Variants in SIRT5 observed in about 807,000 individuals in gnomAD.
SIRT5 encodes NAD-dependent protein deacylase sirtuin-5, mitochondrial.
In SIRT5, 26 loss-of-function variants were observed where a neutral mutation model predicts 40.0. The ratio of observed to expected loss-of-function variants is 0.65; its 90% CI spans 0.48 to 0.90. SIRT5 has a LOEUF of 0.90. Among genes scored for constraint, SIRT5 ranks in the 40% least tolerant of loss-of-function variants. SIRT5 has a pLI of 0.00. For synonymous variants in SIRT5, 146 were observed against 149.1 expected (o/e 0.98, Z 0.15); for missense variants, 401 against 402.4 (o/e 1.00, Z 0.03).
chr6:13,604,700 C>A, intron 9 of SIRT5: 1 of 1,380,006 alleles, frequency 7.2e-7, no homozygotes, highest in Non-Finnish European at 9.3e-7. Flanking sequence ...AGAAACTGAA[C>A]TTGGTGGTTT....
chr6:13,587,726 T>C (rs932372114), intron 3 of SIRT5, among the ~76,000 whole-genome samples: 5 of 152,230 alleles, frequency 3.3e-5, no homozygotes, highest in Non-Finnish European at 5.9e-5. Flanking sequence ...TCTGGCAGTG[T>C]CCTGTTGAAA....
intron 3 of SIRT5, among the ~76,000 whole-genome samples, chr6:13,587,347 G>A (rs185651495): frequency 6.6e-5 from 10 of 152,304 alleles, no homozygotes; most frequent in East Asian, 3.9e-4. Context: ...GCAGAGCTGC[G>A]GTGCCTAGGA....
chr6:13,578,759 T>C (rs1758962634), intron 1 of SIRT5, among the ~76,000 whole-genome samples: 1 of 152,146 alleles, frequency 6.6e-6, no homozygotes, highest in South Asian at 2.1e-4. Context: ...AATCTTTCAC[T>C]TCTATCTTTC....
At chr6:13,604,273 T>A (rs1762798852) in intron 9 of SIRT5, among the ~76,000 whole-genome samples, 1 of 152,340 alleles carries the variant, frequency 6.6e-6, no homozygotes. Context: ...TGAGCCTCCG[T>A]CTGATTTGTG....
intron 1 of SIRT5, among the ~76,000 whole-genome samples, chr6:13,578,603 C>A (rs1207624029): frequency 1.6e-5 from 2 of 124,574 alleles, no homozygotes; most frequent in Non-Finnish European, 3.2e-5. Context: ...GGGGACAGAG[C>A]GAGACTCCAT....
chr6:13,608,054 C>T (rs1032421458), intron 9 of SIRT5, among the ~76,000 whole-genome samples: 2 of 152,160 alleles, frequency 1.3e-5, no homozygotes, highest in African/African-American at 4.8e-5. Context: ...AGCCACTGTG[C>T]CTGGCTGAAA....
intron 7 of SIRT5, 47 bp downstream of exon 7, chr6:13,597,063 C>CAAA: frequency 1.1e-5 from 12 of 1,080,852 alleles, no homozygotes; most frequent in Middle Eastern, 2.2e-4. Context: ...GTTACCAAAA[C>CAAA]AAAAAAAAAA....
chr6:13,603,957 T>C lies in SIRT5; in HGVS notation c.857+3008T>C, dbSNP rs142472340. On this transcript the variant is annotated intron_variant, in intron 9 of 9. Transcript: ENST00000606117. ...GAAGCCAGTCATAAAAGACCATATA[T>C]GGTATGACTTCATTTATACGAAATA... 3.5e-3 allele frequency among the ~76,000 whole-genome samples: 538 copies of C among 152,324 alleles called. 2 individuals are homozygous for C. The highest frequency in any genetic ancestry group is 0.012 in the African/African-American group (512 of 41,570).
chr6:13,588,137 C>A (rs1471222640), intron 3 of SIRT5, among the ~76,000 whole-genome samples, 194 bp from the exon 4 acceptor site: 1 of 152,210 alleles, frequency 6.6e-6, no homozygotes, highest in Non-Finnish European at 1.5e-5. Flanking sequence ...GTGCCCAAAG[C>A]CCCTGCTGCT....
chr6:13,598,825 C>CA (rs368964409), intron 7 of SIRT5, among the ~76,000 whole-genome samples: 1,699 of 45,860 alleles, frequency 0.037, 51 homozygotes, highest in South Asian at 0.17. Flanking sequence ...GACTCCGTCT[C>CA]AAAAAAAAAA....
chr6:13,588,300 A>AT, intron 3 of SIRT5, 31 bp from the exon 4 acceptor site: 5 of 1,608,330 alleles, frequency 3.1e-6, no homozygotes, highest in Non-Finnish European at 4.2e-6. Context: ...CAAACTGTAC[A>AT]CTGGATTGAT....
At chr6:13,604,959 T>A in intron 9 of SIRT5, 1 of 989,818 alleles carries the variant, frequency 1.0e-6, no homozygotes, top group Non-Finnish European at 1.2e-6. Flanking sequence ...AAGGAGTAAC[T>A]GATCAATGAA....
Position 13,613,866 on chromosome 6 carries a change from T to C in SIRT5, c.*2001T>C, listed in dbSNP as rs1478655090. On this transcript the variant is annotated 3_prime_UTR_variant, in exon 10 of 10. Coordinates refer to ENST00000606117, the MANE Select transcript of SIRT5 (RefSeq NM_012241.5). ...TATTCATTTTCCTAGTGTTAGTGTCTCAGGGAGTCTGATTATATTTTTGAT... is the reference window on the plus strand; with the variant it reads ...TATTCATTTTCCTAGTGTTAGTGTCCCAGGGAGTCTGATTATATTTTTGAT... 1 of 152,238 alleles carries C rather than the reference T, an allele frequency of 6.6e-6. No homozygotes were observed. The highest frequency in any genetic ancestry group is 2.4e-5 in the African/African-American group (1 of 41,460). The allele number at this position is 152,238 out of a possible 1,614,324, so 9.4% of individuals were successfully genotyped here. A position where few individuals can be genotyped will look rare whatever the true frequency, so the allele number is the denominator to read the frequency against.
chr6:13,603,194 G>A (rs1464272962), intron 9 of SIRT5, among the ~76,000 whole-genome samples: 3 of 150,764 alleles, frequency 2.0e-5, no homozygotes, highest in East Asian at 2.0e-4. Flanking sequence ...GGAGAATGGC[G>A]TGAACCCGGG....
At chr6:13,611,675 T>A (rs1199567129) in intron 9 of SIRT5, 115 bp from the exon 10 acceptor site, 1 of 757,742 alleles carries the variant, frequency 1.3e-6, no homozygotes, top group Non-Finnish European at 2.4e-6. Context: ...ACCATCTTTA[T>A]GAGAATTTGG....
In SIRT5 at chr6:13,607,546, A is replaced by G. The variant is rs1341486682; in HGVS notation, c.858-4244A>G. On this transcript the variant is annotated intron_variant, in intron 9 of 9. Transcript: ENST00000606117. The surrounding 1 kb of genome is among the most constrained non-coding windows in gnomAD (Gnocchi z 4.0). ...CAGGATGATTACATTAACCAATGCA[A>G]GTGGCGTGAGCAGATGTGCAGCTAA... 6.6e-6 allele frequency among the ~76,000 whole-genome samples: 1 copy of G among 152,212 alleles called. No individual in the cohort carries two copies. Among genetic ancestry groups the G allele is most frequent in the Non-Finnish European group, 1.5e-5 (1 of 68,036 alleles).
intron 6 of SIRT5, 60 bp downstream of exon 6, chr6:13,595,624 A>C: frequency 8.3e-7 from 1 of 1,208,666 alleles, no homozygotes; most frequent in South Asian, 1.2e-5. Flanking sequence ...TTGAACATAA[A>C]TGTGAGGAAA....
At chr6:13,596,839 G>A (rs942728320) in intron 6 of SIRT5, 124 bp from the exon 7 acceptor site, 1 of 698,194 alleles carries the variant, frequency 1.4e-6, no homozygotes, top group Non-Finnish European at 2.3e-6. Flanking sequence ...TTCCAAGTGA[G>A]CATGTATTAA....
At chr6:13,593,125 T>C (rs1449583456) in intron 5 of SIRT5, among the ~76,000 whole-genome samples, 1 of 152,074 alleles carries the variant, frequency 6.6e-6, no homozygotes, top group African/African-American at 2.4e-5. Flanking sequence ...TTGTCCAGGC[T>C]GGTCTCAAAC....
Sources: allele counts gnomAD v4.1 joint callset (sites outside exome capture counted in the v4.1 genomes callset), GRCh38; gene constraint gnomAD v4.1.1; non-coding constraint Gnocchi (gnomAD v3.1); transcripts MANE v1.5; gene names NCBI Gene and HGNC (gene_info 2026-07-23, HGNC 2026-07-21).